AGBL4: variants seen among roughly 807,000 people sequenced by gnomAD.
AGBL4 encodes the protein AGBL carboxypeptidase 4, also known as cytosolic carboxypeptidase 6.
Under a neutral mutation model 66.4 loss-of-function variants are expected in AGBL4, and 58 were observed. The observed-to-expected ratio is 0.87, with a 90% CI of 0.71 to 1.09. The LOEUF (loss-of-function observed/expected upper bound fraction) is 1.09, where lower values mean the gene tolerates loss of function less well. AGBL4 is among the 50% of genes least tolerant of loss of function. The pLI is 0.00. For missense variants in AGBL4, 579 were observed against 631.0 expected (o/e 0.92, Z 0.88); for synonymous variants, 234 against 222.9 (o/e 1.05, Z -0.44).
chr1:49,268,544 G>A (rs2148380985), intron 3 of AGBL4, among the ~76,000 whole-genome samples: 1 of 151,766 alleles, frequency 6.6e-6, no homozygotes, highest in South Asian at 2.1e-4. Flanking sequence ...TGATCCTCCT[G>A]CCTCAGACTC....
rs371206883 is a variant in AGBL4, at chr1:49,924,439, G to A, written c.35-72921C>T. Among the ~76,000 whole-genome samples the A allele has an allele frequency of 1.4e-3, 209 of 151,920 alleles. 1 individual carries two copies. The highest frequency in any genetic ancestry group is 4.7e-3 in the African/African-American group (196 of 41,440). ...TGCACACATACCCCTGAACTTAAAA[G>A]TTTAAAAAAAGAATGGGTGTTACCT... On this transcript the variant is annotated intron_variant, in intron 1 of 13. Coordinates refer to ENST00000371839, the MANE Select transcript of AGBL4 (RefSeq NM_032785.4).
At chr1:48,602,396 C>T (rs180963728) in intron 9 of AGBL4, among the ~76,000 whole-genome samples, 2 of 152,176 alleles carry the variant, frequency 1.3e-5, no homozygotes, top group Non-Finnish European at 2.9e-5. Context: ...CATCTTCCTG[C>T]TTTGCAGTAT....
intron 1 of AGBL4, among the ~76,000 whole-genome samples, chr1:49,975,673 T>G (rs1658500252): frequency 6.6e-6 from 1 of 152,148 alleles, no homozygotes; most frequent in African/African-American, 2.4e-5. Context: ...AGCTCTAATA[T>G]TTACACTCTA....
At chr1:49,854,695 T>C (rs1352592584) in intron 1 of AGBL4, among the ~76,000 whole-genome samples, 1 of 152,162 alleles carries the variant, frequency 6.6e-6, no homozygotes. Flanking sequence ...TTATGATGCC[T>C]GCTGGACCCA....
intron 3 of AGBL4, among the ~76,000 whole-genome samples, chr1:49,343,275 T>G (rs1251052324): frequency 6.6e-6 from 1 of 152,156 alleles, no homozygotes; most frequent in African/African-American, 2.4e-5. Flanking sequence ...GTTTTCCTCA[T>G]GGAATCCCAA....
chr1:48,767,975 A>G (rs1158639688), intron 6 of AGBL4, among the ~76,000 whole-genome samples: 3 of 152,202 alleles, frequency 2.0e-5, no homozygotes, highest in African/African-American at 7.2e-5. Flanking sequence ...ACTATATTTA[A>G]TCCCTACAAT....
chr1:49,253,259 A>C (rs1263201703), intron 3 of AGBL4, among the ~76,000 whole-genome samples: 1 of 152,192 alleles, frequency 6.6e-6, no homozygotes, highest in Non-Finnish European at 1.5e-5. Context: ...TTGCAATCCT[A>C]GTTTCTGAAA....
chr1:49,876,776 C>A (rs1647020826), intron 1 of AGBL4, among the ~76,000 whole-genome samples: 1 of 120,218 alleles, frequency 8.3e-6, no homozygotes, highest in Admixed American at 9.0e-5. Flanking sequence ...GATATTGATT[C>A]TTCCTACCCA....
chr1:49,207,111 T>TA (rs1352510993), intron 4 of AGBL4, among the ~76,000 whole-genome samples: 1 of 152,042 alleles, frequency 6.6e-6, no homozygotes, highest in Non-Finnish European at 1.5e-5. Context: ...ATAGCTTTTT[T>TA]AAAAAAAGAC....
chr1:48,582,590 T>C (rs1175092875), intron 11 of AGBL4, among the ~76,000 whole-genome samples: 1 of 152,242 alleles, frequency 6.6e-6, no homozygotes, highest in Non-Finnish European at 1.5e-5. Context: ...CCATGTAGTC[T>C]GCATGGGGCT....
rs763209204 is a variant in AGBL4 at position 48,590,888 on chromosome 1, T to C, written c.1049A>G (p.Gln350Arg). 3.7e-6 allele frequency: 6 copies of C among 1,607,812 alleles called. No homozygotes were observed. In the East Asian group the frequency reaches 1.1e-4, roughly 30 times the overall value. ...GNIFEDEERFQRQAIFPKLLC... is the reference protein window; with the variant it reads ...GNIFEDEERFRRQAIFPKLLC... Reference sequence around the variant, plus strand: ...GAGCTTGGGAAAAATGGCCTGCCTCTGGAACCGTTCCTCATCCTCAAAGAT... The same window carrying C: ...GAGCTTGGGAAAAATGGCCTGCCTCCGGAACCGTTCCTCATCCTCAAAGAT... Residue 350 changes from glutamine (Q) to arginine (R), a missense_variant, in exon 10 of 14, where the codon CAG becomes CGG. Gln to Arg is a conservative substitution (Grantham distance 43). Transcript: ENST00000371839.
chr1:49,634,225 C>G (rs901291670), intron 3 of AGBL4, among the ~76,000 whole-genome samples: 1 of 152,024 alleles, frequency 6.6e-6, no homozygotes, highest in Non-Finnish European at 1.5e-5. Flanking sequence ...GCCCCCCAAC[C>G]CTGAGGGGCC....
At chr1:49,341,152 C>A (rs1645532022) in intron 3 of AGBL4, among the ~76,000 whole-genome samples, 1 of 152,172 alleles carries the variant, frequency 6.6e-6, no homozygotes, top group African/African-American at 2.4e-5. Flanking sequence ...AATTTGCTTT[C>A]ACTTTACTCT....
chr1:48,611,191 G>C (rs962041777), intron 9 of AGBL4, among the ~76,000 whole-genome samples: 2 of 152,244 alleles, frequency 1.3e-5, no homozygotes, highest in African/African-American at 4.8e-5. Context: ...AAATGGATTA[G>C]AAGCAGGCTT....
intron 4 of AGBL4, among the ~76,000 whole-genome samples, chr1:49,220,179 A>G (rs1649391863): frequency 6.6e-6 from 1 of 152,146 alleles, no homozygotes; most frequent in East Asian, 1.9e-4. Flanking sequence ...AATGAATTGG[A>G]ACTTGGAAAC....
intron 3 of AGBL4, among the ~76,000 whole-genome samples, chr1:49,421,328 T>C (rs895728347): frequency 6.6e-6 from 1 of 151,200 alleles, no homozygotes; most frequent in Non-Finnish European, 1.5e-5. Flanking sequence ...ATGACTCTGT[T>C]GTCTTCAAAG....
At chr1:49,343,284 A>G (rs1645576689) in intron 3 of AGBL4, among the ~76,000 whole-genome samples, 1 of 152,172 alleles carries the variant, frequency 6.6e-6, no homozygotes, top group Non-Finnish European at 1.5e-5. Flanking sequence ...ATGGAATCCC[A>G]AGAATTGAAA....
chr1:49,763,849 C>T (rs1652524137), intron 2 of AGBL4, among the ~76,000 whole-genome samples: 1 of 152,148 alleles, frequency 6.6e-6, no homozygotes, highest in Non-Finnish European at 1.5e-5. Flanking sequence ...GGAGGACAGG[C>T]TCTTTTGCAC....
intron 3 of AGBL4, among the ~76,000 whole-genome samples, chr1:49,268,798 T>C (rs183230784): frequency 1.7e-4 from 26 of 152,318 alleles, no homozygotes; most frequent in African/African-American, 5.3e-4. Context: ...TGATGAGACA[T>C]TTAATGGTAG....
Sources: gnomAD v4.1 joint callset for allele counts (sites outside exome capture counted in the v4.1 genomes callset) on GRCh38, gnomAD v4.1.1 for gene constraint, MANE v1.5 for transcripts, NCBI Gene and HGNC (gene_info 2026-07-23, HGNC 2026-07-21) for gene names.